AVEN: variants seen among roughly 807,000 people sequenced by gnomAD.
The protein encoded by AVEN is apoptosis and caspase activation inhibitor.
AVEN carries 41 observed loss-of-function variants against 38.1 expected under a neutral mutation model. The ratio of observed to expected loss-of-function variants is 1.08; its 90% confidence interval spans 0.84 to 1.40. AVEN has a LOEUF of 1.40. AVEN is among the 40% of genes most tolerant of loss of function. The probability of loss-of-function intolerance (pLI) is 0.00; values close to 1 mark genes in which losing one functional copy is unlikely to be tolerated. For synonymous variants in AVEN, 206 were observed against 171.8 expected, an observed-to-expected ratio of 1.20 and a Z score of -1.56; for missense variants, 605 against 438.8, an observed-to-expected ratio of 1.38 and a Z score of -3.38.
At chr15:33,914,837 C>A (rs796303251) in intron 2 of AVEN, among the ~76,000 whole-genome samples, 1 of 151,818 alleles carries the variant, frequency 6.6e-6, no homozygotes, top group African/African-American at 2.4e-5. Context: ...CATATATGTA[C>A]ACATAAATGT....
intron 1 of AVEN, among the ~76,000 whole-genome samples, chr15:34,034,264 G>A (rs1002259784): frequency 3.3e-5 from 5 of 152,058 alleles, no homozygotes; most frequent in African/African-American, 1.2e-4. Flanking sequence ...GCAAGACAGT[G>A]AGACCATGTC....
intron 2 of AVEN, chr15:33,968,998 G>A (rs1954734848): frequency 6.6e-6 from 1 of 151,956 alleles, no homozygotes; most frequent in African/African-American, 2.4e-5. Context: ...AATGCTACAG[G>A]ATTATCAGGA....
intron 1 of AVEN, among the ~76,000 whole-genome samples, chr15:34,035,400 G>A (rs1311792331): frequency 6.6e-6 from 1 of 152,146 alleles, no homozygotes; most frequent in Non-Finnish European, 1.5e-5. Flanking sequence ...AATCAGGCAT[G>A]TGAAAGAATC....
chr15:33,961,623 C>T (rs1483231188), intron 2 of AVEN, among the ~76,000 whole-genome samples: 10 of 151,514 alleles, frequency 6.6e-5, no homozygotes, highest in South Asian at 2.1e-4. Context: ...ACCATTCTGG[C>T]TAACACGGTG....
chr15:34,003,434 A>G (rs1376461499), intron 1 of AVEN, among the ~76,000 whole-genome samples: 1 of 152,246 alleles, frequency 6.6e-6, no homozygotes, highest in Non-Finnish European at 1.5e-5. Context: ...GCAGCTGCCT[A>G]AACATTTGTG....
chr15:33,963,580 T>C (rs1895278608), intron 2 of AVEN, among the ~76,000 whole-genome samples: 1 of 152,040 alleles, frequency 6.6e-6, no homozygotes, highest in Non-Finnish European at 1.5e-5. Flanking sequence ...GCGGATCACT[T>C]GAGGTCAGGA....
At chr15:33,908,246 C>CTCCCCATTCTCTCTCA (rs369000628) in intron 2 of AVEN, among the ~76,000 whole-genome samples, 2 of 111,938 alleles carry the variant, frequency 1.8e-5, no homozygotes, top group Admixed American at 9.1e-5. Flanking sequence ...TTACACATAA[C>CTCCCCATTCTCTCTCA]CAGGATTCTT....
intron 2 of AVEN, among the ~76,000 whole-genome samples, chr15:33,886,422 C>T (rs1341193381): frequency 1.3e-5 from 2 of 152,172 alleles, no homozygotes; most frequent in African/African-American, 2.4e-5. Context: ...CCTGCCTCAC[C>T]CTCCCAAAGA....
intron 2 of AVEN, among the ~76,000 whole-genome samples, chr15:33,904,688 AAAAAAAAT>A (rs1302483827): frequency 1.1e-5 from 1 of 94,886 alleles, no homozygotes; most frequent in Non-Finnish European, 2.4e-5. Context: ...TCTTTAAAAA[AAAAAAAAT>A]ATATATATAT....
At chr15:33,950,681 C>G (rs1393583383) in intron 2 of AVEN, among the ~76,000 whole-genome samples, 2 of 152,154 alleles carry the variant, frequency 1.3e-5, no homozygotes, top group East Asian at 3.9e-4. Flanking sequence ...CTTGGCTCCA[C>G]TTGCTTCAAA....
intron 2 of AVEN, among the ~76,000 whole-genome samples, chr15:33,986,111 G>C (rs5811810): frequency 3.7e-4 from 1 of 2,688 alleles, no homozygotes; most frequent in Non-Finnish European, 2.1e-3. Context: ...TTTGTTTTTT[G>C]TTTTTTGTTT....
chr15:34,041,265 C>T (rs548861074), upstream of AVEN, among the ~76,000 whole-genome samples: 2 of 152,102 alleles, frequency 1.3e-5, no homozygotes, highest in Admixed American at 6.5e-5. Flanking sequence ...GAGGCAATCA[C>T]CCTGGATGAG....
chr15:34,000,210 C>A (rs1016794680), intron 2 of AVEN, among the ~76,000 whole-genome samples: 1 of 152,196 alleles, frequency 6.6e-6, no homozygotes. Flanking sequence ...TATTTCTATT[C>A]TAAGCAATTA....
intron 2 of AVEN, among the ~76,000 whole-genome samples, chr15:33,939,805 G>C (rs538539619): frequency 3.9e-5 from 6 of 152,210 alleles, no homozygotes; most frequent in African/African-American, 1.4e-4. Context: ...TGGGGCCATC[G>C]GGAAGTAGTT....
At chr15:33,992,325 G>C (rs981560205) in intron 2 of AVEN, among the ~76,000 whole-genome samples, 1 of 151,932 alleles carries the variant, frequency 6.6e-6, no homozygotes, top group African/African-American at 2.4e-5. Context: ...GGGGGGCGGA[G>C]CTTGCAGTGA....
chr15:33,924,660 T>C (rs936912267), intron 2 of AVEN, among the ~76,000 whole-genome samples: 3 of 152,226 alleles, frequency 2.0e-5, no homozygotes, highest in Non-Finnish European at 1.5e-5. Flanking sequence ...GATTGTCTTA[T>C]ACTATTTTAT....
At chr15:33,959,861 A>C (rs1355876893) in intron 2 of AVEN, among the ~76,000 whole-genome samples, 1 of 152,254 alleles carries the variant, frequency 6.6e-6, no homozygotes, top group Admixed American at 6.5e-5. Context: ...GATATATATC[A>C]AATACACAAA....
chr15:33,983,666 A>T (rs922846505), intron 2 of AVEN, among the ~76,000 whole-genome samples: 20 of 152,118 alleles, frequency 1.3e-4, no homozygotes, highest in African/African-American at 4.8e-4. Flanking sequence ...CCATGGATGA[A>T]GCTTACTCGC....
chr15:34,036,712 G>C (rs1319857121), intron 1 of AVEN, among the ~76,000 whole-genome samples: 1 of 152,200 alleles, frequency 6.6e-6, no homozygotes, highest in Non-Finnish European at 1.5e-5. Flanking sequence ...GAAGGGATAA[G>C]ACCAACTCGA....
Sources: allele counts gnomAD v4.1 joint callset (sites outside exome capture counted in the v4.1 genomes callset), GRCh38; gene constraint gnomAD v4.1.1; transcripts MANE v1.5; gene names NCBI Gene and HGNC (gene_info 2026-07-23, HGNC 2026-07-21).